Variants in MYO18A observed in about 807,000 individuals in gnomAD.
MYO18A encodes unconventional myosin-XVIIIa.
In MYO18A, 78 loss-of-function variants were observed where a neutral mutation model predicts 235.8. The observed-to-expected ratio is 0.33, with a 90% CI of 0.28 to 0.40. The LOEUF is 0.40. MYO18A is among the 10% of genes least tolerant of loss of function. The pLI is 1.00. For missense variants in MYO18A, 2,215 were observed against 2,699.3 expected (o/e 0.82, Z 3.98); for synonymous variants, 977 against 1,077.8 (o/e 0.91, Z 1.83).
chr17:29,168,335 C>T (rs1037730806), intron 1 of MYO18A, among the ~76,000 whole-genome samples: 2 of 152,206 alleles, frequency 1.3e-5, no homozygotes, highest in African/African-American at 4.8e-5. Context: ...ACCTACCCAA[C>T]CCCCTGCACA....
At chr17:29,150,142 A>C (rs1408916880) in intron 2 of MYO18A, among the ~76,000 whole-genome samples, 3 of 152,262 alleles carry the variant, frequency 2.0e-5, no homozygotes, top group African/African-American at 4.8e-5. Flanking sequence ...GGTTCCTCGT[A>C]ACACTGGACA....
At chr17:29,092,313 A>C in intron 34 of MYO18A, 30 bp downstream of exon 34, 1 of 1,557,560 alleles carries the variant, frequency 6.4e-7, no homozygotes, top group Middle Eastern at 1.7e-4. Context: ...CAGCCCCCCG[A>C]GCTCTGCCCC....
intron 40 of MYO18A, among the ~76,000 whole-genome samples, chr17:29,084,223 GC>G (rs2066195248): frequency 6.6e-6 from 1 of 152,126 alleles, no homozygotes; most frequent in Non-Finnish European, 1.5e-5. Flanking sequence ...CTGTGTGTGT[GC>G]ATGCCTGGCA....
At chr17:29,163,392 T>C (rs1469067455) in intron 2 of MYO18A, among the ~76,000 whole-genome samples, 1 of 152,204 alleles carries the variant, frequency 6.6e-6, no homozygotes, top group Non-Finnish European at 1.5e-5. Context: ...AGAAAAGATA[T>C]GGGCTTCTTT....
chr17:29,074,284 T>C lies in MYO18A; in HGVS notation c.*486A>G. On this transcript the variant is annotated 3_prime_UTR_variant, in exon 42 of 42. Coordinates refer to ENST00000527372, the MANE Select transcript of MYO18A (RefSeq NM_078471.4). The surrounding 1 kb of genome is among the most constrained non-coding windows in gnomAD (Gnocchi z 4.4). ...GCAGCTGTGATGGAGAGGTTGGGTA[T>C]TTAAATTAAAAAGTAGAAAGACAGC... 1 of 1,274,998 alleles carries C rather than the reference T, an allele frequency of 7.8e-7. No individual in the cohort carries two copies. Among genetic ancestry groups the C allele is most frequent in the South Asian group, 1.5e-5 (1 of 65,572 alleles). The allele number at this position is 1,274,998 out of a possible 1,614,324, so 79.0% of individuals were successfully genotyped here.
intron 2 of MYO18A, among the ~76,000 whole-genome samples, chr17:29,148,095 C>G (rs1033236635): frequency 6.6e-6 from 1 of 151,404 alleles, no homozygotes. Context: ...AGGAAAGATA[C>G]CAAGGTTTAA....
Position 29,120,209 on chromosome 17 carries a change from G to A in MYO18A, c.1728+407C>T, listed in dbSNP as rs11869148. On this transcript the variant is annotated intron_variant, in intron 7 of 41. Coordinates refer to ENST00000527372, the MANE Select transcript of MYO18A (RefSeq NM_078471.4). This position sits in a 1 kb window ranked among gnomAD's most constrained non-coding sequence, Gnocchi z 4.2. ...AGGTGCCTGCCTTCTGGAAATGGGAGCTTGTGGTGAGGTATTTAGCATGGG... is the reference window on the plus strand; with the variant it reads ...AGGTGCCTGCCTTCTGGAAATGGGAACTTGTGGTGAGGTATTTAGCATGGG... 6.6e-5 allele frequency among the ~76,000 whole-genome samples: 10 copies of A among 152,230 alleles called. No homozygotes were observed. The highest frequency in any genetic ancestry group is 1.5e-4 in the Non-Finnish European group (10 of 68,044).
chr17:29,114,708 A>G (rs2067014201), intron 14 of MYO18A, among the ~76,000 whole-genome samples, 199 bp downstream of exon 14: 1 of 152,194 alleles, frequency 6.6e-6, no homozygotes, highest in Admixed American at 6.5e-5. Flanking sequence ...GGCTTCCTGG[A>G]GAGTAAACTC....
At chr17:29,102,071 ACTTT>A (rs1342243930) in intron 21 of MYO18A, among the ~76,000 whole-genome samples, 1 of 152,144 alleles carries the variant, frequency 6.6e-6, no homozygotes, top group African/African-American at 2.4e-5. Flanking sequence ...GACGACCTGA[ACTTT>A]CTTTCCCAAA....
rs1048784995 is a variant in MYO18A at position 29,140,462 on chromosome 17, C to T, written c.1000-18209G>A. The T allele has an allele frequency of 5.4e-5, 65 of 1,210,608 alleles. No homozygotes were observed. The highest frequency in any genetic ancestry group is 6.7e-5 in the Non-Finnish European group (64 of 949,268). The allele number at this position is 1,210,608 out of a possible 1,614,324, so 75.0% of individuals were successfully genotyped here. ...CGCCCAGTTCCCGCCCTCTCCCCGG[C>T]CCCTCCCGTCCCGAGCTGCCCAGCC... is the stretch of plus-strand genomic sequence containing the variant. On this transcript the variant is annotated intron_variant, in intron 2 of 41. Coordinates refer to ENST00000527372, the MANE Select transcript of MYO18A (RefSeq NM_078471.4). This position sits in a 1 kb window ranked among gnomAD's most constrained non-coding sequence, Gnocchi z 4.2.
In MYO18A at chr17:29,098,047, T is replaced by C; in HGVS notation, c.3990+58A>G. ...GCCAACTGTCTTTGGGGGGAGCCAA[T>C]GGGCACTAGGGTATGGCAGTCACCA... On this transcript the variant is annotated intron_variant, in intron 25 of 41. Transcript: ENST00000527372. 1.9e-6 allele frequency: 3 copies of C among 1,597,928 alleles called. No homozygotes were observed. In the South Asian group the frequency reaches 3.3e-5, roughly 18 times the overall value.
chr17:29,099,898 T>C (rs1351080658), intron 21 of MYO18A, 136 bp from the exon 22 acceptor site: 1 of 1,271,818 alleles, frequency 7.9e-7, no homozygotes, highest in Non-Finnish European at 1.1e-6. Context: ...CAAAATCCAA[T>C]TGTCCAAGAG....
chr17:29,073,692 G>A lies in MYO18A; in HGVS notation c.*1078C>T. On this transcript the variant is annotated 3_prime_UTR_variant, in exon 42 of 42. Coordinates refer to ENST00000527372, the MANE Select transcript of MYO18A (RefSeq NM_078471.4). ...TTCTCAGGGATAACCTTTTTAGGGT[G>A]GGGGCTGGGACCTCCAGACCACATG... 2.6e-6 allele frequency: 2 copies of A among 759,686 alleles called. No individual in the cohort carries two copies. The highest frequency in any genetic ancestry group is 4.0e-5 in the South Asian group (2 of 50,438). The allele number at this position is 759,686 out of a possible 1,614,324, so 47.1% of individuals were successfully genotyped here. A position where few individuals can be genotyped will look rare whatever the true frequency, so the allele number is the denominator to read the frequency against.
chr17:29,151,558 C>T, intron 2 of MYO18A, among the ~76,000 whole-genome samples: 1 of 152,148 alleles, frequency 6.6e-6, no homozygotes, highest in Admixed American at 6.5e-5. Context: ...ACTGTAGTCA[C>T]AATTTAATAC....
chr17:29,083,510 ACAGGCATGTGTGCGCGCGCGCG>A (rs1330308102), intron 40 of MYO18A, among the ~76,000 whole-genome samples: 12 of 120,334 alleles, frequency 1.0e-4, no homozygotes, highest in South Asian at 2.8e-4. Context: ...AAACAGCCAC[ACAGGCATGTGTGCGCGCGCGCG>A]CACACACACA....
At chr17:29,127,402 T>A (rs1734922851) in intron 2 of MYO18A, among the ~76,000 whole-genome samples, 1 of 152,196 alleles carries the variant, frequency 6.6e-6, no homozygotes, top group African/African-American at 2.4e-5. Context: ...ACCTGTATTA[T>A]CCCCACTCAA....
chr17:29,135,220 C>G (rs1362806512), intron 2 of MYO18A, among the ~76,000 whole-genome samples: 1 of 152,098 alleles, frequency 6.6e-6, no homozygotes, highest in Non-Finnish European at 1.5e-5. Flanking sequence ...CCTGCCTCAG[C>G]CTCCCGAGTA....
chr17:29,135,238 C>T (rs2067569174), intron 2 of MYO18A, among the ~76,000 whole-genome samples: 1 of 152,148 alleles, frequency 6.6e-6, no homozygotes, highest in Middle Eastern at 3.4e-3. Flanking sequence ...GTAGCTGGGA[C>T]TACAGGTGTC....
chr17:29,122,866 C>A (rs1430866342), intron 2 of MYO18A, among the ~76,000 whole-genome samples: 1 of 152,254 alleles, frequency 6.6e-6, no homozygotes, highest in East Asian at 1.9e-4. Context: ...GGGGACAGTG[C>A]CCAGGTGCAC....
Sources: gnomAD v4.1 joint callset for allele counts (sites outside exome capture counted in the v4.1 genomes callset) on GRCh38, gnomAD v4.1.1 for gene constraint, Gnocchi (gnomAD v3.1) non-coding constraint, MANE v1.5 for transcripts, NCBI Gene and HGNC (gene_info 2026-07-23, HGNC 2026-07-21) for gene names.